NPAS3: variants seen among roughly 807,000 people sequenced by gnomAD.
NPAS3 encodes neuronal PAS domain-containing protein 3.
In NPAS3, 14 loss-of-function variants were observed where a neutral mutation model predicts 73.1. That is an observed-to-expected ratio of 0.19 (90% CI 0.13 to 0.30). The LOEUF (loss-of-function observed/expected upper bound fraction) is 0.30. Among genes scored for constraint, NPAS3 ranks in the 10% least tolerant of loss-of-function variants. The pLI, the probability that NPAS3 is intolerant of heterozygous loss-of-function variation, is 1.00. For missense variants in NPAS3, 1,096 were observed against 1,250.0 expected, an observed-to-expected ratio of 0.88 and a Z score of 1.86; for synonymous variants, 620 against 541.5, an observed-to-expected ratio of 1.14 and a Z score of -2.01.
intron 2 of NPAS3, among the ~76,000 whole-genome samples, chr14:33,151,990 C>T (rs2044462666): frequency 6.6e-6 from 1 of 152,120 alleles, no homozygotes; most frequent in Admixed American, 6.6e-5. Flanking sequence ...TTTATTTTTT[C>T]TCCTTCACTC....
intron 4 of NPAS3, among the ~76,000 whole-genome samples, chr14:33,405,108 T>G (rs771567420): frequency 3.9e-5 from 6 of 152,096 alleles, no homozygotes; most frequent in Non-Finnish European, 7.4e-5. Context: ...GTGCACATTG[T>G]TGGCTGCCTG....
intron 3 of NPAS3, among the ~76,000 whole-genome samples, chr14:33,234,575 AGAAAT>A (rs1174694222): frequency 2.6e-5 from 4 of 152,152 alleles, no homozygotes; most frequent in African/African-American, 9.7e-5. Context: ...ATATGAAACT[AGAAAT>A]GAAATTAGAG....
intron 7 of NPAS3, among the ~76,000 whole-genome samples, chr14:33,735,945 A>T (rs1408443539): frequency 2.0e-5 from 3 of 152,228 alleles, no homozygotes; most frequent in African/African-American, 7.2e-5. Flanking sequence ...TTTTAAGGTT[A>T]AGGATATAAA....
chr14:33,197,290 T>C lies in NPAS3; in HGVS notation c.141-17892T>C, dbSNP rs138795782. Among the ~76,000 whole-genome samples, 739 of 142,738 alleles carry C rather than the reference T, an allele frequency of 5.2e-3. 4 individuals are homozygous for C. Among genetic ancestry groups the C allele is most frequent in the African/African-American group, 0.018 (689 of 38,696 alleles). 93.6% of individuals were successfully genotyped at this position (142,738 alleles called of 152,430 possible). On this transcript the variant is annotated intron_variant, in intron 2 of 11. Transcript: ENST00000356141. ...GTGTTCTTTTTCAATTGAGATCCAC[T>C]GTACAGTCAGTCCTAGAAGCTACAG...
At chr14:33,019,170 C>G (rs1336904721) in intron 1 of NPAS3, among the ~76,000 whole-genome samples, 1 of 152,208 alleles carries the variant, frequency 6.6e-6, no homozygotes, top group East Asian at 1.9e-4. Context: ...CTCGCCTCCC[C>G]ACCCAGGTGT....
At chr14:33,508,013 A>T (rs547564604) in intron 4 of NPAS3, among the ~76,000 whole-genome samples, 11 of 151,532 alleles carry the variant, frequency 7.3e-5, no homozygotes, top group Non-Finnish European at 1.3e-4. Flanking sequence ...CTGCCAAGGG[A>T]CTCTTCCATG....
At chr14:33,431,754 T>C (rs1197819385) in intron 4 of NPAS3, among the ~76,000 whole-genome samples, 1 of 152,174 alleles carries the variant, frequency 6.6e-6, no homozygotes, top group Non-Finnish European at 1.5e-5. Context: ...GATGATTCTT[T>C]TTTTATATTT....
intron 2 of NPAS3, among the ~76,000 whole-genome samples, chr14:33,093,410 C>G (rs2138829105): frequency 6.6e-6 from 1 of 152,254 alleles, no homozygotes; most frequent in Non-Finnish European, 1.5e-5. Flanking sequence ...AAATCAAAAC[C>G]ACAATGAGAT....
At chr14:33,443,280 G>GA (rs796291453) in intron 4 of NPAS3, among the ~76,000 whole-genome samples, 2,350 of 144,088 alleles carry the variant, frequency 0.016, 61 homozygotes, top group African/African-American at 0.054. Context: ...GTTAAAAAAG[G>GA]AAAAAAAAAA....
chr14:33,177,258 G>A (rs747703773), intron 2 of NPAS3, among the ~76,000 whole-genome samples: 70 of 151,560 alleles, frequency 4.6e-4, no homozygotes, highest in Non-Finnish European at 7.7e-4. Context: ...CACCATGTCC[G>A]GCTAATTTTT....
At chr14:32,939,812 C>T (rs1368278198) in intron 1 of NPAS3, among the ~76,000 whole-genome samples, 1 of 131,974 alleles carries the variant, frequency 7.6e-6, no homozygotes, top group Non-Finnish European at 1.6e-5. Flanking sequence ...GGAGGGAAGG[C>T]GGCGAGCAGG....
chr14:33,174,892 T>G (rs780681372), intron 2 of NPAS3, among the ~76,000 whole-genome samples: 2 of 152,086 alleles, frequency 1.3e-5, no homozygotes, highest in African/African-American at 4.8e-5. Flanking sequence ...GGAGAGAATA[T>G]GCAAGGGAAA....
chr14:33,463,866 G>C (rs934607708), intron 4 of NPAS3, among the ~76,000 whole-genome samples: 19 of 152,216 alleles, frequency 1.2e-4, no homozygotes, highest in African/African-American at 4.6e-4. Flanking sequence ...AGAGTAATGG[G>C]TTCTGTATGA....
At chr14:33,215,423 A>G in exon 3 of NPAS3, 2 of 1,613,876 alleles carry the variant, frequency 1.2e-6, no homozygotes, top group Non-Finnish European at 1.7e-6. Flanking sequence ...CACATCAGTA[A>G]AAGGTAAGTT....
At chr14:33,112,674 G>A (rs2042935175) in intron 2 of NPAS3, among the ~76,000 whole-genome samples, 1 of 152,106 alleles carries the variant, frequency 6.6e-6, no homozygotes, top group Admixed American at 6.6e-5. Flanking sequence ...AGTTTAATTA[G>A]ATCCCATTTG....
chr14:33,788,075 T>C (rs1299365975), intron 9 of NPAS3, among the ~76,000 whole-genome samples: 3 of 152,228 alleles, frequency 2.0e-5, no homozygotes. Context: ...TTCTTTTTCA[T>C]GTTTCATCTG....
intron 7 of NPAS3, among the ~76,000 whole-genome samples, chr14:33,735,804 T>C (rs1595525276): frequency 6.6e-6 from 1 of 151,974 alleles, no homozygotes; most frequent in Admixed American, 6.6e-5. Context: ...AGTTGGGATA[T>C]TAGAAACCTG....
chr14:32,971,066 G>T (rs1312066188), intron 1 of NPAS3, among the ~76,000 whole-genome samples: 2 of 149,402 alleles, frequency 1.3e-5, no homozygotes, highest in South Asian at 2.1e-4. Flanking sequence ...TAGTGAAAAT[G>T]ATTTCTGTGT....
chr14:33,735,168 G>A, intron 6 of NPAS3, 46 bp from the exon 7 acceptor site: 5 of 1,357,198 alleles, frequency 3.7e-6, no homozygotes, highest in Non-Finnish European at 5.3e-6. Context: ...GTGAGGGGCT[G>A]TGTCAAGATC....
Sources: allele counts gnomAD v4.1 joint callset (sites outside exome capture counted in the v4.1 genomes callset), GRCh38; gene constraint gnomAD v4.1.1; transcripts MANE v1.5; gene names NCBI Gene and HGNC (gene_info 2026-07-23, HGNC 2026-07-21).